The following TRHDE variants were observed in gnomAD, a reference collection of about 807,000 sequenced individuals.
The protein encoded by TRHDE is thyrotropin releasing hormone degrading enzyme, also known as thyrotropin-releasing hormone-degrading ectoenzyme.
In TRHDE, 72 loss-of-function variants were observed where a neutral mutation model predicts 125.7. The observed-to-expected ratio is 0.57, with a 90% CI of 0.47 to 0.70. The LOEUF is 0.70. TRHDE is among the 30% of genes least tolerant of loss of function. TRHDE has a pLI of 0.00. For missense variants in TRHDE, 1,110 were observed against 1,327.1 expected, an observed-to-expected ratio of 0.84 and a Z score of 2.54; for synonymous variants, 509 against 509.1, an observed-to-expected ratio of 1.00 and a Z score of 0.00.
chr12:72,389,600 G>T (rs1238514372), intron 3 of TRHDE, among the ~76,000 whole-genome samples: 2 of 152,100 alleles, frequency 1.3e-5, no homozygotes, highest in Admixed American at 6.5e-5. Flanking sequence ...CAGTGTTCTC[G>T]CATGACAAAG....
At chr12:72,125,619 A>G (rs543994511) in intron 2 of TRHDE, among the ~76,000 whole-genome samples, 15 of 152,252 alleles carry the variant, frequency 9.9e-5, no homozygotes, top group Non-Finnish European at 1.6e-4. Flanking sequence ...CTTTAAAAGT[A>G]TATAGTATTT....
intron 7 of TRHDE, among the ~76,000 whole-genome samples, chr12:72,558,537 G>T (rs1870028129): frequency 6.6e-6 from 1 of 152,114 alleles, no homozygotes; most frequent in Admixed American, 6.5e-5. Context: ...AAGGAGTTTG[G>T]ACTATATTCT....
At chr12:72,224,122 C>CTATCTATG in intron 2 of TRHDE, among the ~76,000 whole-genome samples, 1 of 74,648 alleles carries the variant, frequency 1.3e-5, no homozygotes, top group Non-Finnish European at 2.9e-5. Context: ...ATCTATCTAT[C>CTATCTATG]TATCTATCTA....
chr12:72,237,552 C>T (rs1229194461), intron 2 of TRHDE, among the ~76,000 whole-genome samples: 1 of 152,132 alleles, frequency 6.6e-6, no homozygotes, highest in Admixed American at 6.6e-5. Context: ...GAAAAGGACT[C>T]GGTTTCCCCC....
chr12:72,096,132 T>TACACACACACACACAC (rs1208734021), intron 1 of TRHDE, among the ~76,000 whole-genome samples: 3 of 26,572 alleles, frequency 1.1e-4, no homozygotes, highest in Non-Finnish European at 1.7e-4. Context: ...TTCTTATGTG[T>TACACACACACACACAC]ATACACACAC....
chr12:72,398,824 T>A (rs1289386468), intron 3 of TRHDE, among the ~76,000 whole-genome samples: 3 of 152,192 alleles, frequency 2.0e-5, no homozygotes, highest in African/African-American at 7.2e-5. Context: ...GAGGTGCAGA[T>A]TAAGTTGTTA....
chr12:72,449,485 A>G (rs1875466888), intron 3 of TRHDE, among the ~76,000 whole-genome samples: 2 of 150,712 alleles, frequency 1.3e-5, no homozygotes, highest in South Asian at 4.1e-4. Flanking sequence ...TTTTCCTTCA[A>G]AAAGCTTTTT....
At chr12:72,643,697 C>T (rs1292229128) in intron 15 of TRHDE, among the ~76,000 whole-genome samples, 1 of 152,144 alleles carries the variant, frequency 6.6e-6, no homozygotes, top group Non-Finnish European at 1.5e-5. Flanking sequence ...GCTTGCCATA[C>T]AGTAGCTCCT....
chr12:72,344,491 A>C (rs1249214765), intron 2 of TRHDE, among the ~76,000 whole-genome samples: 2 of 152,122 alleles, frequency 1.3e-5, no homozygotes, highest in African/African-American at 4.8e-5. Flanking sequence ...ATGGACCAAG[A>C]TTGGAATCCA....
chr12:72,171,773 T>C (rs963518198), intron 2 of TRHDE, among the ~76,000 whole-genome samples: 1 of 152,188 alleles, frequency 6.6e-6, no homozygotes, highest in East Asian at 1.9e-4. Context: ...CTATGGCCTA[T>C]GTTTCCCAAG....
intron 2 of TRHDE, among the ~76,000 whole-genome samples, chr12:72,247,696 T>C (rs528532723): frequency 6.6e-6 from 1 of 152,336 alleles, no homozygotes; most frequent in South Asian, 2.1e-4. Context: ...ACATTTAAAA[T>C]ATAATACAAT....
At chr12:72,534,490 G>A (rs929461567) in intron 6 of TRHDE, among the ~76,000 whole-genome samples, 1 of 151,976 alleles carries the variant, frequency 6.6e-6, no homozygotes, top group African/African-American at 2.4e-5. Context: ...AAGAATGTAC[G>A]GTCCCAGTGA....
chr12:72,208,198 T>A (rs1056079153), intron 2 of TRHDE, among the ~76,000 whole-genome samples: 11 of 151,878 alleles, frequency 7.2e-5, no homozygotes, highest in Middle Eastern at 3.2e-3. Flanking sequence ...ATACACACAC[T>A]CACACACACA....
intron 10 of TRHDE, 28 bp from the exon 11 acceptor site, chr12:72,575,227 A>G: frequency 3.7e-6 from 6 of 1,607,918 alleles, no homozygotes; most frequent in Non-Finnish European, 5.1e-6. Context: ...TTAAAGTTTG[A>G]AATCTATCCC....
chr12:72,579,705 G>C (rs1871150787), intron 12 of TRHDE, among the ~76,000 whole-genome samples: 1 of 152,068 alleles, frequency 6.6e-6, no homozygotes, highest in Non-Finnish European at 1.5e-5. Context: ...TTTTTCTTAA[G>C]AGATTGTTTT....
chr12:72,451,482 A>G (rs376357824), intron 3 of TRHDE, among the ~76,000 whole-genome samples: 4 of 152,268 alleles, frequency 2.6e-5, no homozygotes, highest in Admixed American at 2.0e-4. Context: ...CTATTGGTCT[A>G]TGTGTCTGTT....
At chr12:72,433,746 C>CTT (rs35623228) in intron 3 of TRHDE, among the ~76,000 whole-genome samples, 1,550 of 146,054 alleles carry the variant, frequency 0.011, 31 homozygotes, top group African/African-American at 0.034. Flanking sequence ...GACAAATAAA[C>CTT]TTTTTTTTTT....
At chr12:72,526,038 A>C (rs1868329866) in intron 6 of TRHDE, among the ~76,000 whole-genome samples, 1 of 152,024 alleles carries the variant, frequency 6.6e-6, no homozygotes, top group African/African-American at 2.4e-5. Flanking sequence ...AATTATTCTT[A>C]AGTGTTTGAT....
chr12:72,090,975 A>G (rs1209297006), intron 1 of TRHDE, among the ~76,000 whole-genome samples: 1 of 152,078 alleles, frequency 6.6e-6, no homozygotes, highest in Non-Finnish European at 1.5e-5. Context: ...GGCTGCAGCA[A>G]TTCTCCTGTC....
Sources: allele counts gnomAD v4.1 joint callset (sites outside exome capture counted in the v4.1 genomes callset), GRCh38; gene constraint gnomAD v4.1.1; transcripts MANE v1.5; gene names NCBI Gene and HGNC (gene_info 2026-07-23, HGNC 2026-07-21).